Variants in MBNL3 observed in about 807,000 individuals in gnomAD.
MBNL3 encodes the protein muscleblind-like protein 3.
In MBNL3, 6 loss-of-function variants were observed where a neutral mutation model predicts 24.5. The ratio of observed to expected loss-of-function variants is 0.25; its 90% confidence interval spans 0.13 to 0.48. The LOEUF is 0.48. MBNL3 is among the 20% of genes least tolerant of loss of function. The pLI is 0.99. For missense variants in MBNL3, 230 were observed against 293.5 expected, an observed-to-expected ratio of 0.78 and a Z score of 1.58; for synonymous variants, 100 against 101.7, an observed-to-expected ratio of 0.98 and a Z score of 0.10.
rs1021613965 is a variant in MBNL3, at chrX:132,373,834, G to C, written c.*5832C>G. ...ATTTTGGCTGGTTCTCTTCTGTTTA[G>C]TTAAAACAAAACAGTGGGAGGCTGA... On this transcript the variant is annotated 3_prime_UTR_variant, in exon 9 of 9. Coordinates refer to ENST00000370853, the MANE Select transcript of MBNL3 (RefSeq NM_001386889.1). The C allele has an allele frequency of 1.8e-5, 2 of 111,682 alleles. No individual in the cohort carries two copies. The highest frequency in any genetic ancestry group is 3.8e-5 in the Non-Finnish European group (2 of 52,993). 9.2% of individuals were successfully genotyped at this position (111,682 alleles called of 1,213,427 possible).
In MBNL3 at chrX:132,469,531, T is replaced by A. The variant is rs1228813812; in HGVS notation, c.-704+19320A>T. Among the ~76,000 whole-genome samples the A allele has an allele frequency of 9.8e-5, 11 of 112,201 alleles. No individual in the cohort carries two copies. In the Admixed American group the frequency reaches 1.0e-3, roughly 11 times the overall value. On this transcript the variant is annotated intron_variant, in intron 1 of 8. Coordinates refer to ENST00000370853, the MANE Select transcript of MBNL3 (RefSeq NM_001386889.1). ...GTGGGTCTTCAGGTAAGAAATCAAC[T>A]GTTCCCATAAAGAACAAAGAATAAG...
intron 1 of MBNL3, among the ~76,000 whole-genome samples, chrX:132,466,965 G>A (rs968719889): frequency 2.7e-5 from 3 of 111,408 alleles, no homozygotes; most frequent in Non-Finnish European, 5.7e-5. Flanking sequence ...AGTGAGCATT[G>A]GAAAGGGTAC....
intron 3 of MBNL3, among the ~76,000 whole-genome samples, chrX:132,394,607 A>G (rs1008955422): frequency 3.6e-5 from 4 of 112,299 alleles, no homozygotes; most frequent in Non-Finnish European, 5.6e-5. Flanking sequence ...TATTGTATCT[A>G]TTAATTTTTG....
chrX:132,408,090 G>GTCTTTTT, intron 2 of MBNL3, among the ~76,000 whole-genome samples: 1 of 28,044 alleles, frequency 3.6e-5, no homozygotes, highest in Non-Finnish European at 6.9e-5. Context: ...CTGAATTTCA[G>GTCTTTTT]TCTTTTTTTT....
At position 132,371,070 on chromosome X, in the gene MBNL3, A is replaced by T. The variant is rs1933570706; in HGVS notation, c.*8596T>A. On this transcript the variant is annotated 3_prime_UTR_variant, in exon 9 of 9. Transcript: ENST00000370853. ...CTGAACTGTTTTTAGTGCTGGTATT[A>T]TCAGACTCACAGAAACACCTACAAA... 1 of 111,724 alleles carries T rather than the reference A, an allele frequency of 9.0e-6. No individual in the cohort carries two copies. The highest frequency in any genetic ancestry group is 3.3e-5 in the African/African-American group (1 of 30,727). 9.2% of individuals were successfully genotyped at this position (111,724 alleles called of 1,213,427 possible).
intron 1 of MBNL3, among the ~76,000 whole-genome samples, chrX:132,470,083 G>A (rs1389224517): frequency 1.8e-5 from 2 of 111,575 alleles, no homozygotes; most frequent in Non-Finnish European, 3.8e-5. Flanking sequence ...GTATGGGTAT[G>A]CCACATTTTG....
In MBNL3 at chrX:132,439,882, G is replaced by C. The variant is rs1945311526; in HGVS notation, c.-271C>G. 9.0e-6 allele frequency among the ~76,000 whole-genome samples: 1 copy of C among 111,410 alleles called. No homozygotes were observed. The highest frequency in any genetic ancestry group is 1.9e-5 in the Non-Finnish European group (1 of 53,095). ...GTTAAGATAATGAATGCTTTATTTTGTTCCTTTGCCGAATTTATGTTAAAT... is the reference window on the plus strand; with the variant it reads ...GTTAAGATAATGAATGCTTTATTTTCTTCCTTTGCCGAATTTATGTTAAAT... On this transcript the variant is annotated 5_prime_UTR_variant, in exon 2 of 9. Transcript: ENST00000370853.
chrX:132,375,419 ACTTT>A lies in MBNL3; in HGVS notation c.*4243_*4246del, dbSNP rs765807102. On this transcript the variant is annotated 3_prime_UTR_variant, in exon 9 of 9. Coordinates refer to ENST00000370853, the MANE Select transcript of MBNL3 (RefSeq NM_001386889.1). Reference sequence around the variant, plus strand: ...CAGAATCCATGCAGTAAAAGCTTAAACTTTCTTTAACTTTCCTTTGAAATTAAAT... The same window carrying A: ...CAGAATCCATGCAGTAAAAGCTTAAACTTTAACTTTCCTTTGAAATTAAAT... 1 of 111,312 alleles carries A rather than the reference ACTTT, an allele frequency of 9.0e-6. No homozygotes were observed. Among genetic ancestry groups the A allele is most frequent in the Admixed American group, 9.5e-5 (1 of 10,486 alleles). 9.2% of individuals were successfully genotyped at this position (111,312 alleles called of 1,213,427 possible). A position where few individuals can be genotyped will look rare whatever the true frequency, so the allele number is the denominator to read the frequency against.
At chrX:132,420,241 A>C (rs1943668325) in intron 2 of MBNL3, among the ~76,000 whole-genome samples, 1 of 112,260 alleles carries the variant, frequency 8.9e-6, no homozygotes, top group Admixed American at 9.4e-5. Context: ...AACAATGGCA[A>C]GCCTTTAGCC....
In MBNL3 at chrX:132,391,030, G is replaced by C. The variant is rs775026738; in HGVS notation, c.588C>G (p.Arg196=). The C allele has an allele frequency of 8.3e-7, 1 of 1,211,566 alleles. No homozygotes were observed. Among genetic ancestry groups the C allele is most frequent in the Admixed American group, 2.2e-5 (1 of 46,026 alleles). ...TGGAAGCATCAGTAGGGTGAGCATA[G>C]CGGCAATCATTCTCCCCACGGGTAC... is the stretch of plus-strand genomic sequence containing the variant. ...GNCTRGENDC[R]YAHPTDASMI... is the part of the protein sequence containing the mutation. The change falls in exon 5 of 9, where the codon CGC becomes CGG. Residue 196 remains arginine (R), a synonymous_variant. Transcript: ENST00000370853.
At chrX:132,477,921 C>T (rs1237114812) in intron 1 of MBNL3, among the ~76,000 whole-genome samples, 1 of 111,425 alleles carries the variant, frequency 9.0e-6, no homozygotes, top group Non-Finnish European at 1.9e-5. Context: ...TAAAGTGTGC[C>T]TTTGTTCACC....
intron 2 of MBNL3, among the ~76,000 whole-genome samples, chrX:132,421,655 C>A (rs2148369893): frequency 8.9e-6 from 1 of 111,946 alleles, no homozygotes; most frequent in Non-Finnish European, 1.9e-5. Flanking sequence ...CACTCTTTTA[C>A]CATCACAAGC....
rs185386998 is a variant in MBNL3, at chrX:132,373,178, A to G, written c.*6488T>C. The G allele has an allele frequency of 8.1e-5, 9 of 111,376 alleles. No homozygotes were observed. The highest frequency in any genetic ancestry group is 7.7e-4 in the Admixed American group (8 of 10,452). 9.2% of individuals were successfully genotyped at this position (111,376 alleles called of 1,213,427 possible). ...ACACCATGCCATCTATTCATGGGGTATCTTTTGTGATGCTTCTACAGTTAT... is the reference window on the plus strand; with the variant it reads ...ACACCATGCCATCTATTCATGGGGTGTCTTTTGTGATGCTTCTACAGTTAT... On this transcript the variant is annotated 3_prime_UTR_variant, in exon 9 of 9. Coordinates refer to ENST00000370853, the MANE Select transcript of MBNL3 (RefSeq NM_001386889.1).
chrX:132,396,405 CAT>C (rs1172017297), intron 3 of MBNL3, among the ~76,000 whole-genome samples: 4 of 76,983 alleles, frequency 5.2e-5, no homozygotes, highest in Non-Finnish European at 7.0e-5. Context: ...TATATATATT[CAT>C]ATATATTCCT....
intron 2 of MBNL3, among the ~76,000 whole-genome samples, chrX:132,428,629 A>C (rs1170956449): frequency 2.7e-5 from 3 of 112,042 alleles, no homozygotes; most frequent in Non-Finnish European, 5.6e-5. Flanking sequence ...TTCCTCTGGA[A>C]TATATAACCC....
chrX:132,383,416 G>C (rs1242142954), intron 7 of MBNL3, among the ~76,000 whole-genome samples: 2 of 112,032 alleles, frequency 1.8e-5, no homozygotes, highest in East Asian at 5.6e-4. Flanking sequence ...CAATTGTACA[G>C]GAAGCAGATC....
In MBNL3 at chrX:132,377,785, T is replaced by C. The variant is rs1934272210; in HGVS notation, c.*1881A>G. 2 of 109,532 alleles carry C rather than the reference T, an allele frequency of 1.8e-5. No homozygotes were observed. Among genetic ancestry groups the C allele is most frequent in the African/African-American group, 6.7e-5 (2 of 30,008 alleles). The allele number at this position is 109,532 out of a possible 1,213,427, so 9.0% of individuals were successfully genotyped here. A position where few individuals can be genotyped will look rare whatever the true frequency, so the allele number is the denominator to read the frequency against. On this transcript the variant is annotated 3_prime_UTR_variant, in exon 9 of 9. Coordinates refer to ENST00000370853, the MANE Select transcript of MBNL3 (RefSeq NM_001386889.1). The stretch of plus-strand genomic sequence containing the variant: ...AATCAGATTTGCTTTTTACTTGTCA[T>C]TTTCATGAAGGAGAAAAACCATTAT...
At chrX:132,388,650 A>G (rs964672858) in intron 5 of MBNL3, among the ~76,000 whole-genome samples, 51 of 111,515 alleles carry the variant, frequency 4.6e-4, no homozygotes, top group Non-Finnish European at 1.1e-4. Flanking sequence ...CCCAGTTCCA[A>G]TTGGGTGGTG....
At chrX:132,443,803 C>A (rs897460096) in intron 1 of MBNL3, among the ~76,000 whole-genome samples, 1 of 111,080 alleles carries the variant, frequency 9.0e-6, no homozygotes, top group Non-Finnish European at 1.9e-5. Context: ...AAGAGGAATA[C>A]CTTGGAATTA....
Sources: allele counts gnomAD v4.1 joint callset (sites outside exome capture counted in the v4.1 genomes callset), GRCh38; gene constraint gnomAD v4.1.1; transcripts MANE v1.5; gene names NCBI Gene and HGNC (gene_info 2026-07-23, HGNC 2026-07-21).